TRA2B: variants seen among roughly 807,000 people sequenced by gnomAD.
TRA2B encodes the protein transformer-2 protein homolog beta.
Under a neutral mutation model 41.7 loss-of-function variants are expected in TRA2B, and 14 were observed. That is an observed-to-expected ratio of 0.34 (90% CI 0.22 to 0.53). TRA2B has a LOEUF of 0.53. TRA2B is among the 20% of genes least tolerant of loss of function. The pLI is 0.95. For missense variants in TRA2B, 167 were observed against 396.8 expected, an observed-to-expected ratio of 0.42 and a Z score of 4.92; for synonymous variants, 130 against 128.8, an observed-to-expected ratio of 1.01 and a Z score of -0.06.
At chr3:185,935,553 A>T (rs921112715) in intron 1 of TRA2B, 19 of 985,346 alleles carry the variant, frequency 1.9e-5, no homozygotes, top group Non-Finnish European at 2.3e-5. Flanking sequence ...GGTTGTCTGG[A>T]TTAGAGACAG....
At chr3:185,930,171 GGGCTGGGGGTTAAGA>G (rs1744096021) in intron 1 of TRA2B, among the ~76,000 whole-genome samples, 1 of 152,176 alleles carries the variant, frequency 6.6e-6, no homozygotes, top group African/African-American at 2.4e-5. Context: ...TTCCTTTAGT[GGGCTGGGGGTTAAGA>G]GGTCTTTTCC....
intron 1 of TRA2B, chr3:185,928,716 T>A (rs770408633): frequency 2.1e-4 from 32 of 152,186 alleles, no homozygotes; most frequent in Non-Finnish European, 4.4e-4. Context: ...GAAACAATTT[T>A]CTCCAGAAGT....
In TRA2B at chr3:185,926,877, C is replaced by T. The variant is rs1026069800; in HGVS notation, c.37-143G>A. The T allele has an allele frequency of 6.4e-6, 6 of 939,228 alleles. No individual in the cohort carries two copies. The African/African-American group carries it at 1.0e-4, about 16-fold the overall frequency. 58.2% of individuals were successfully genotyped at this position (939,228 alleles called of 1,614,324 possible). ...AGGTAAGGGCAGGAACTGAATATACCTGGTGTTAATAGTTTCATTGCTCCA... is the reference window on the plus strand; with the variant it reads ...AGGTAAGGGCAGGAACTGAATATACTTGGTGTTAATAGTTTCATTGCTCCA... On this transcript the variant is annotated intron_variant, in intron 1 of 8. Coordinates refer to ENST00000453386, the MANE Select transcript of TRA2B (RefSeq NM_004593.3).
At chr3:185,927,503 C>T (rs2150116040) in intron 1 of TRA2B, 1 of 152,316 alleles carries the variant, frequency 6.6e-6, no homozygotes, top group East Asian at 1.9e-4. Context: ...CAGGAATTAA[C>T]CTAACTTACC....
At position 185,937,912 on chromosome 3, in the gene TRA2B, T is replaced by TAGC; in HGVS notation, c.-53_-52insGCT. 6.2e-7 allele frequency: 1 copy of TAGC among 1,609,910 alleles called. No homozygotes were observed. Among genetic ancestry groups the TAGC allele is most frequent in the East Asian group, 2.2e-5 (1 of 44,826 alleles). ...TGTGCTTCAATCGAAGCTGCCAACC[T>TAGC]CTTGCACCTTCCTTAAGGAGGCTCC... On this transcript the variant is annotated 5_prime_UTR_variant, in exon 1 of 9. Coordinates refer to ENST00000453386, the MANE Select transcript of TRA2B (RefSeq NM_004593.3).
At position 185,923,961 on chromosome 3, in the gene TRA2B, A is replaced by G. The variant is rs1371466008; in HGVS notation, c.357T>C (p.Cys119=). The G allele has an allele frequency of 1.2e-6, 2 of 1,610,266 alleles. No homozygotes were observed. The highest frequency in any genetic ancestry group is 8.5e-7 in the Non-Finnish European group (1 of 1,179,102). The part of the protein sequence containing the change: ...GNRANPDPNC[C]LGVFGLSLYT... ...ACAAGCTCAGCCCAAATACTCCAAG[A>G]CAACAGTTAGGATCAGGATTTGCCT... The change falls in exon 4 of 9, where the codon TGT becomes TGC. Residue 119 remains cysteine, a synonymous_variant. Transcript: ENST00000453386.
At chr3:185,923,576 C>A (rs1219471501) in intron 4 of TRA2B, 11 of 390,238 alleles carry the variant, frequency 2.8e-5, no homozygotes, top group Middle Eastern at 6.5e-4. Context: ...GTATAGTTGA[C>A]CCCAATAGGT....
At chr3:185,920,921 A>G (rs1743708559) in intron 6 of TRA2B, among the ~76,000 whole-genome samples, 183 bp downstream of exon 6, 1 of 151,706 alleles carries the variant, frequency 6.6e-6, no homozygotes, top group Admixed American at 6.6e-5. Context: ...TTGAACAGAA[A>G]TCCAGTTACA....
At chr3:185,935,649 C>T in intron 1 of TRA2B, 1 of 985,448 alleles carries the variant, frequency 1.0e-6, no homozygotes, top group Non-Finnish European at 1.2e-6. Flanking sequence ...GAATAACACT[C>T]ATTTTTCTGG....
chr3:185,924,830 G>A (rs1743882534), intron 3 of TRA2B: 1 of 152,104 alleles, frequency 6.6e-6, no homozygotes, highest in East Asian at 1.9e-4. Flanking sequence ...ATGACAAGAG[G>A]AAAGAATAAA....
At chr3:185,927,095 C>G (rs1578480473) in intron 1 of TRA2B, 1 of 156,952 alleles carries the variant, frequency 6.4e-6, no homozygotes, top group African/African-American at 2.4e-5. Flanking sequence ...GACACCTATA[C>G]TTTATACCTA....
At chr3:185,922,923 T>C (rs1264791802) in intron 4 of TRA2B, 3 of 152,182 alleles carry the variant, frequency 2.0e-5, no homozygotes, top group Admixed American at 6.5e-5. Flanking sequence ...TTTCTGGCAC[T>C]AGAGATTAAG....
chr3:185,925,282 A>G, intron 3 of TRA2B, 182 bp downstream of exon 3: 1 of 637,200 alleles, frequency 1.6e-6, no homozygotes, highest in Non-Finnish European at 2.5e-6. Flanking sequence ...ATTGACAGGC[A>G]GCCCAAATGC....
intron 1 of TRA2B, chr3:185,934,294 TTAATATTTACCACC>T: frequency 2.0e-6 from 2 of 979,712 alleles, no homozygotes; most frequent in Non-Finnish European, 2.4e-6. Flanking sequence ...TATGAAAGCA[TTAATATTTACCACC>T]TACGTTCGGA....
Position 185,921,184 on chromosome 3 carries a change from G to C in TRA2B, c.642C>G (p.Gly214=). The change falls in exon 6 of 9, where the codon GGC becomes GGG. Residue 214 remains glycine, a synonymous_variant. Transcript: ENST00000453386. The part of the protein sequence containing the change: ...PGIYMGRPTY[G]SSRRRDYYDR... ...CATAGTAATCCCGACGGCGAGAGCT[G>C]CCACTATGAAGAAAAAAATATTCAG... 6.2e-7 allele frequency: 1 copy of C among 1,613,894 alleles called. No individual in the cohort carries two copies. The highest frequency in any genetic ancestry group is 8.5e-7 in the Non-Finnish European group (1 of 1,179,972).
chr3:185,936,114 T>C, intron 1 of TRA2B: 1 of 985,422 alleles, frequency 1.0e-6, no homozygotes, highest in South Asian at 4.7e-5. Flanking sequence ...TCTCAAGCAT[T>C]CTTCACGTGT....
Position 185,925,589 on chromosome 3 carries a change from G to T in TRA2B, c.208C>A (p.Arg70=). The T allele has an allele frequency of 1.9e-6, 3 of 1,614,042 alleles. No homozygotes were observed. The South Asian group carries it at 3.3e-5, about 18-fold the overall frequency. ...SRRSSRRHYT[R]SRSRSRSHRR... The stretch of plus-strand genomic sequence containing the variant: ...TGGGAGCGGGAGCGAGACCGTGACC[G>T]GGTATAATGCCTTCGGGAGCTTCTT... Residue 70 remains arginine, a synonymous_variant, in exon 3 of 9, where the codon CGG becomes AGG. Transcript: ENST00000453386.
intron 5 of TRA2B, 131 bp from the exon 6 acceptor site, chr3:185,921,318 T>C (rs892548430): frequency 5.8e-5 from 44 of 752,194 alleles, no homozygotes; most frequent in Non-Finnish European, 9.4e-5. Context: ...CTCACCTATA[T>C]TGAGCAAACA....
At position 185,915,363 on chromosome 3, in the gene TRA2B, C is replaced by T. The variant is rs184561393; in HGVS notation, c.*2352G>A. Among the ~76,000 whole-genome samples, 4 of 152,320 alleles carry T rather than the reference C, an allele frequency of 2.6e-5. No individual in the cohort carries two copies. Among genetic ancestry groups the T allele is most frequent in the Non-Finnish European group, 5.9e-5 (4 of 68,030 alleles). On this transcript the variant is annotated 3_prime_UTR_variant, in exon 9 of 9. Transcript: ENST00000453386. ...ATTGTTTGTATTGGCATATAAAAGCCTCCAAGTCCCTTTGCCTTGAGGCAG... is the reference window on the plus strand; with the variant it reads ...ATTGTTTGTATTGGCATATAAAAGCTTCCAAGTCCCTTTGCCTTGAGGCAG...
Sources: gnomAD v4.1 joint callset for allele counts (sites outside exome capture counted in the v4.1 genomes callset) on GRCh38, gnomAD v4.1.1 for gene constraint, MANE v1.5 for transcripts, NCBI Gene and HGNC (gene_info 2026-07-23, HGNC 2026-07-21) for gene names.